The following IGSF9B variants were observed in gnomAD, a reference collection of about 807,000 sequenced individuals.
IGSF9B encodes immunoglobulin superfamily member 9B, also known as protein turtle homolog B.
A neutral mutation model predicts 143.7 loss-of-function variants in IGSF9B; 48 were observed. That is an observed-to-expected ratio of 0.33 (90% CI 0.26 to 0.42). IGSF9B has a LOEUF of 0.42. Among genes scored for constraint, IGSF9B ranks in the 20% least tolerant of loss-of-function variants. The pLI is 1.00. For missense variants in IGSF9B, 1,706 were observed against 1,980.0 expected (o/e 0.86, Z 2.63); for synonymous variants, 903 against 833.1 (o/e 1.08, Z -1.44).
In IGSF9B at chr11:133,913,017, A is replaced by C. The variant is rs1449732299; in HGVS notation, c.3984-1010T>G. ...GAGTCATAAAAGAGGAAAACCTAGA[A>C]GACATGTTCTCAATGCCATTTCTTC... On this transcript the variant is annotated intron_variant, in intron 18 of 19. Coordinates refer to ENST00000533871, the MANE Select transcript of IGSF9B (RefSeq NM_001277285.4). This position sits in a 1 kb window ranked among gnomAD's most constrained non-coding sequence, Gnocchi z 4.6. Among the ~76,000 whole-genome samples the C allele has an allele frequency of 6.6e-6, 1 of 152,200 alleles. No individual in the cohort carries two copies. The highest frequency in any genetic ancestry group is 1.5e-5 in the Non-Finnish European group (1 of 68,038).
intron 1 of IGSF9B, among the ~76,000 whole-genome samples, chr11:133,947,104 G>A (rs912041842): frequency 3.9e-5 from 6 of 152,136 alleles, no homozygotes; most frequent in Non-Finnish European, 8.8e-5. Context: ...CTGGCTGGCA[G>A]CAGAGAGGGC....
intron 1 of IGSF9B, among the ~76,000 whole-genome samples, chr11:133,952,553 G>T (rs1027321101): frequency 6.6e-6 from 1 of 152,148 alleles, no homozygotes; most frequent in South Asian, 2.1e-4. Context: ...AAACACACAG[G>T]CACTCAAGCA....
intron 1 of IGSF9B, among the ~76,000 whole-genome samples, chr11:133,955,784 C>T (rs1940239495): frequency 6.6e-6 from 1 of 152,238 alleles, no homozygotes; most frequent in African/African-American, 2.4e-5. Flanking sequence ...GCACGCATCA[C>T]CCAACTCGGT....
Position 133,931,952 on chromosome 11 carries a change from G to T in IGSF9B, c.1110+119C>A. The T allele has an allele frequency of 6.7e-7, 1 of 1,494,630 alleles. No homozygotes were observed. Among genetic ancestry groups the T allele is most frequent in the Non-Finnish European group, 9.0e-7 (1 of 1,112,836 alleles). The allele number at this position is 1,494,630 out of a possible 1,614,324, so 92.6% of individuals were successfully genotyped here. Reference sequence around the variant, plus strand: ...CAGACCCCTACAGAAGCAGCTCTCTGTTTGCCCAGGGCTTTTGGAAGGGGC... The same window carrying T: ...CAGACCCCTACAGAAGCAGCTCTCTTTTTGCCCAGGGCTTTTGGAAGGGGC... On this transcript the variant is annotated intron_variant, in intron 8 of 19. Coordinates refer to ENST00000533871, the MANE Select transcript of IGSF9B (RefSeq NM_001277285.4). This position sits in a 1 kb window ranked among gnomAD's most constrained non-coding sequence, Gnocchi z 7.7.
At chr11:133,916,657 T>G (rs1939387922) in intron 18 of IGSF9B, among the ~76,000 whole-genome samples, 1 of 152,192 alleles carries the variant, frequency 6.6e-6, no homozygotes. Context: ...GAGAGCGGGC[T>G]TCTCTTGGAT....
chr11:133,954,647 A>G (rs1171477531), intron 1 of IGSF9B, among the ~76,000 whole-genome samples: 3 of 152,234 alleles, frequency 2.0e-5, no homozygotes, highest in Non-Finnish European at 4.4e-5. Flanking sequence ...CTATTGAAGC[A>G]AGTGACATTT....
Position 133,901,407 on chromosome 11 carries a change from G to C in IGSF9B, c.*7662C>G, listed in dbSNP as rs910963805. 3.9e-5 allele frequency: 6 copies of C among 152,100 alleles called. No individual in the cohort carries two copies. Among genetic ancestry groups the C allele is most frequent in the African/African-American group, 1.4e-4 (6 of 41,408 alleles). The allele number at this position is 152,100 out of a possible 1,614,324, so 9.4% of individuals were successfully genotyped here. ...AACTATGACTTCATATAGATATAGA[G>C]ATATATAGACTTTATCTAGGTGTTC... On this transcript the variant is annotated 3_prime_UTR_variant, in exon 20 of 20. Coordinates refer to ENST00000533871, the MANE Select transcript of IGSF9B (RefSeq NM_001277285.4).
At chr11:133,946,688 C>T (rs1453954242) in intron 1 of IGSF9B, among the ~76,000 whole-genome samples, 3 of 152,170 alleles carry the variant, frequency 2.0e-5, no homozygotes, top group Non-Finnish European at 4.4e-5. Flanking sequence ...TGTGGCCGCT[C>T]GTGCACAGGG....
At position 133,931,567 on chromosome 11, in the gene IGSF9B, G is replaced by T. The variant is rs1164465686; in HGVS notation, c.1254C>A (p.Asp418Glu). 6.2e-7 allele frequency: 1 copy of T among 1,613,058 alleles called. No homozygotes were observed. Among genetic ancestry groups the T allele is most frequent in the Non-Finnish European group, 8.5e-7 (1 of 1,179,712 alleles). Residue 418 changes from aspartate (D) to glutamate (E), a missense_variant and splice_region_variant, in exon 10 of 20, where the codon GAC (aspartate) becomes GAA (glutamate). By Grantham distance (45) the Asp-to-Glu change is conservative. Around this residue, in one of 7 missense-constraint regions of IGSF9B, gnomAD observed 238 missense variants for 452.6 expected, o/e 0.53. Transcript: ENST00000533871. This position sits in a 1 kb window ranked among gnomAD's most constrained non-coding sequence, Gnocchi z 7.7. ...QSAPARLVLK[D>E]PPYFTVLPGW... is the part of the protein sequence containing the mutation. ...CTGGTAGCACCGTGAAATAGGGGGG[G>T]TCCTGGGGAGGAAAGCACAGGCACC...
intron 1 of IGSF9B, among the ~76,000 whole-genome samples, chr11:133,955,600 T>G (rs776085409): frequency 1.8e-4 from 27 of 152,304 alleles, no homozygotes; most frequent in Non-Finnish European, 2.9e-4. Flanking sequence ...TCCTCCGGCT[T>G]GGTGAACTTG....
intron 11 of IGSF9B, 97 bp from the exon 12 acceptor site, chr11:133,929,879 C>CAT: frequency 1.3e-6 from 1 of 774,082 alleles, no homozygotes; most frequent in East Asian, 2.5e-5. Flanking sequence ...GGCTGAAGCG[C>CAT]ATGGCAGCGG....
chr11:133,919,667 G>A (rs1171095233), intron 18 of IGSF9B, 75 bp downstream of exon 18: 4 of 969,278 alleles, frequency 4.1e-6, no homozygotes, highest in South Asian at 2.9e-5. Context: ...GGATGGACGG[G>A]GTGGAGGGCA....
At chr11:133,925,281 C>A (rs1939603960) in intron 14 of IGSF9B, among the ~76,000 whole-genome samples, 1 of 152,158 alleles carries the variant, frequency 6.6e-6, no homozygotes, top group African/African-American at 2.4e-5. Context: ...AGCTAGATAT[C>A]CAAGTTTAAC....
intron 16 of IGSF9B, 26 bp from the exon 17 acceptor site, chr11:133,922,248 C>T (rs755082598): frequency 1.9e-6 from 3 of 1,588,644 alleles, no homozygotes; most frequent in Non-Finnish European, 2.6e-6. Flanking sequence ...AGGGGAGAGG[C>T]TGCTGAGGCC....
rs1283065963 is a variant in IGSF9B at position 133,953,612 on chromosome 11, T to C, written c.64+3079A>G. ...CAATGGCCCAACTACCAGCAGGATCTGAGTCAGAACCTCACTGTATTTGGG... is the reference window on the plus strand; with the variant it reads ...CAATGGCCCAACTACCAGCAGGATCCGAGTCAGAACCTCACTGTATTTGGG... On this transcript the variant is annotated intron_variant, in intron 1 of 19. Transcript: ENST00000533871. The surrounding 1 kb of genome is among the most constrained non-coding windows in gnomAD (Gnocchi z 4.2). Among the ~76,000 whole-genome samples the C allele has an allele frequency of 1.3e-5, 2 of 152,228 alleles. No individual in the cohort carries two copies. Among genetic ancestry groups the C allele is most frequent in the African/African-American group, 4.8e-5 (2 of 41,448 alleles).
Position 133,939,856 on chromosome 11 carries a change from AAC to A in IGSF9B, c.410-1897_410-1896del, listed in dbSNP as rs548617014. ...CCTCGCACGCGTCATCACACGCACA[AAC>A]ACACACCTCGCACGTCCTCGCACGC... On this transcript the variant is annotated intron_variant, in intron 3 of 19. Transcript: ENST00000533871. Among the ~76,000 whole-genome samples, 8 of 148,318 alleles carry A rather than the reference AAC, an allele frequency of 5.4e-5. No homozygotes were observed. The East Asian group carries it at 6.8e-4, about 13-fold the overall frequency.
Position 133,948,219 on chromosome 11 carries a change from T to C in IGSF9B, c.65-1961A>G, listed in dbSNP as rs1182550302. Reference sequence around the variant, plus strand: ...TCCGTGTCTGTCTGTATGTCATCTCTGTGTGTCTTGTTCTCCCCCTCCCCC... The same window carrying C: ...TCCGTGTCTGTCTGTATGTCATCTCCGTGTGTCTTGTTCTCCCCCTCCCCC... On this transcript the variant is annotated intron_variant, in intron 1 of 19. Transcript: ENST00000533871. The surrounding 1 kb of genome is among the most constrained non-coding windows in gnomAD (Gnocchi z 4.7). 6.6e-6 allele frequency among the ~76,000 whole-genome samples: 1 copy of C among 152,172 alleles called. No homozygotes were observed. The highest frequency in any genetic ancestry group is 1.5e-5 in the Non-Finnish European group (1 of 68,026).
chr11:133,929,650 G>C (rs760552232), intron 12 of IGSF9B, 21 bp downstream of exon 12: 1 of 1,525,072 alleles, frequency 6.6e-7, no homozygotes, highest in Non-Finnish European at 9.1e-7. Flanking sequence ...GCATGCCGGG[G>C]TGACTCACAG....
intron 7 of IGSF9B, among the ~76,000 whole-genome samples, chr11:133,932,942 G>A (rs71477459): frequency 0.018 from 1,972 of 112,030 alleles, 4 homozygotes; most frequent in Middle Eastern, 0.056. Flanking sequence ...GGGAAGCCAG[G>A]TGGGAGAGCA....
Sources: gnomAD v4.1 joint callset for allele counts (sites outside exome capture counted in the v4.1 genomes callset) on GRCh38, gnomAD v4.1.1 for gene constraint, gnomAD v4.1.1 regional missense constraint, Gnocchi (gnomAD v3.1) non-coding constraint, MANE v1.5 for transcripts, NCBI Gene and HGNC (gene_info 2026-07-23, HGNC 2026-07-21) for gene names.